Variants in ZNF570 observed in about 807,000 individuals in gnomAD.
ZNF570 encodes zinc finger protein 570.
Under a neutral mutation model 14.2 loss-of-function variants are expected in ZNF570, and 8 were observed. The observed-to-expected ratio is 0.56, with a 90% CI of 0.33 to 1.02. ZNF570 has a LOEUF of 1.02. Among genes scored for constraint, ZNF570 ranks in the 50% least tolerant of loss-of-function variants. The probability of loss-of-function intolerance (pLI) is 0.03; values close to 1 mark genes in which losing one functional copy is unlikely to be tolerated. For missense variants in ZNF570, 559 were observed against 624.9 expected, an observed-to-expected ratio of 0.89 and a Z score of 1.12; for synonymous variants, 202 against 207.6, an observed-to-expected ratio of 0.97 and a Z score of 0.23.
Position 37,485,332 on chromosome 19 carries a change from T to C in ZNF570, c.*99T>C. ...CTCACTCTGATTACTAATATAGCTT[T>C]CAAACAGGTTTTCCTGTATTTATTT... is the stretch of plus-strand genomic sequence containing the variant. On this transcript the variant is annotated 3_prime_UTR_variant, in exon 5 of 5. Coordinates refer to ENST00000330173, the MANE Select transcript of ZNF570 (RefSeq NM_144694.5). 8.4e-7 allele frequency: 1 copy of C among 1,187,876 alleles called. No homozygotes were observed. The highest frequency in any genetic ancestry group is 1.1e-6 in the Non-Finnish European group (1 of 887,874). The allele number at this position is 1,187,876 out of a possible 1,614,324, so 73.6% of individuals were successfully genotyped here. A position where few individuals can be genotyped will look rare whatever the true frequency, so the allele number is the denominator to read the frequency against.
intron 4 of ZNF570, among the ~76,000 whole-genome samples, chr19:37,478,774 T>G (rs1011408392): frequency 6.6e-5 from 10 of 151,568 alleles, no homozygotes; most frequent in African/African-American, 2.4e-4. Context: ...TTTTTACCTC[T>G]TAATAGGTTT....
chr19:37,477,609 T>G (rs1278585521), intron 4 of ZNF570, among the ~76,000 whole-genome samples: 1 of 152,116 alleles, frequency 6.6e-6, no homozygotes, highest in Non-Finnish European at 1.5e-5. Context: ...TCCAAAGTGC[T>G]GGGATTACAG....
intron 2 of ZNF570, among the ~76,000 whole-genome samples, chr19:37,471,485 C>G (rs1375475972): frequency 6.6e-6 from 1 of 152,176 alleles, no homozygotes; most frequent in African/African-American, 2.4e-5. Context: ...TGTCGCAGGT[C>G]TTAGTCCCTC....
intron 4 of ZNF570, among the ~76,000 whole-genome samples, chr19:37,481,546 C>T (rs1273320378): frequency 6.6e-6 from 1 of 152,192 alleles, no homozygotes; most frequent in Admixed American, 6.5e-5. Context: ...TTAATATATT[C>T]TTCCTTGCAA....
At chr19:37,471,458 C>T (rs547855505) in intron 2 of ZNF570, among the ~76,000 whole-genome samples, 19 of 152,298 alleles carry the variant, frequency 1.2e-4, no homozygotes, top group African/African-American at 4.6e-4. Context: ...TTTTAGTAAG[C>T]ACCCATTACC....
intron 2 of ZNF570, among the ~76,000 whole-genome samples, chr19:37,471,009 A>ATTTTTTTTTTTTTTTTTTTTTTTT (rs764609936): frequency 8.3e-5 from 7 of 84,392 alleles, no homozygotes; most frequent in South Asian, 4.8e-4. Flanking sequence ...CAGTGAGTAC[A>ATTTTTTTTTTTTTTTTTTTTTTTT]TTTTTTTTTT....
intron 2 of ZNF570, among the ~76,000 whole-genome samples, chr19:37,473,976 G>A (rs1286522959): frequency 6.6e-6 from 1 of 152,166 alleles, no homozygotes; most frequent in Non-Finnish European, 1.5e-5. Context: ...GAGCAAAGAG[G>A]TGACCTGCCT....
Position 37,484,760 on chromosome 19 carries a change from C to T in ZNF570, c.1138C>T (p.His380Tyr). 1 of 1,614,106 alleles carries T rather than the reference C, an allele frequency of 6.2e-7. No individual in the cohort carries two copies. Among genetic ancestry groups the T allele is most frequent in the South Asian group, 1.1e-5 (1 of 91,086 alleles). ...RAYLTVHQRI[H>Y]TGERPYECKE... ...ATACCTTACTGTACATCAGAGAATA[C>T]ATACTGGAGAGAGACCCTATGAATG... The change falls in exon 5 of 5, where the codon CAT becomes TAT. Residue 380 changes from histidine to tyrosine, a missense_variant. Coordinates refer to ENST00000330173, the MANE Select transcript of ZNF570 (RefSeq NM_144694.5).
In ZNF570 at chr19:37,488,408, TAATAA is replaced by T. The variant is rs2042178369; in HGVS notation, c.*3181_*3185del. Reference sequence around the variant, plus strand: ...CTATATAAAAAGGATCTAAAAGAATTAATAAAATAATCATCAGATTCAGAACAGTG... The same window carrying T: ...CTATATAAAAAGGATCTAAAAGAATTAATAATCATCAGATTCAGAACAGTG... On this transcript the variant is annotated 3_prime_UTR_variant, in exon 5 of 5. Coordinates refer to ENST00000330173, the MANE Select transcript of ZNF570 (RefSeq NM_144694.5). The T allele has an allele frequency of 6.6e-6, 1 of 152,128 alleles. No individual in the cohort carries two copies. Among genetic ancestry groups the T allele is most frequent in the Non-Finnish European group, 1.5e-5 (1 of 67,994 alleles). The allele number at this position is 152,128 out of a possible 1,614,324, so 9.4% of individuals were successfully genotyped here. A position where few individuals can be genotyped will look rare whatever the true frequency, so the allele number is the denominator to read the frequency against.
chr19:37,477,606 T>G (rs1024313107), intron 4 of ZNF570, among the ~76,000 whole-genome samples: 1 of 152,110 alleles, frequency 6.6e-6, no homozygotes, highest in Non-Finnish European at 1.5e-5. Flanking sequence ...CCTTCCAAAG[T>G]GCTGGGATTA....
Position 37,485,311 on chromosome 19 carries a change from C to T in ZNF570, c.*78C>T, listed in dbSNP as rs979932997. 6 of 1,341,036 alleles carry T rather than the reference C, an allele frequency of 4.5e-6. No individual in the cohort carries two copies. Among genetic ancestry groups the T allele is most frequent in the Non-Finnish European group, 4.0e-6 (4 of 1,007,022 alleles). The allele number at this position is 1,341,036 out of a possible 1,614,324, so 83.1% of individuals were successfully genotyped here. ...TGTCACCTTGGTCTGATTCATCTCA[C>T]TCTGATTACTAATATAGCTTTCAAA... On this transcript the variant is annotated 3_prime_UTR_variant, in exon 5 of 5. Transcript: ENST00000330173.
At chr19:37,474,281 C>T (rs1451609617) in intron 2 of ZNF570, among the ~76,000 whole-genome samples, 2 of 152,108 alleles carry the variant, frequency 1.3e-5, no homozygotes, top group Non-Finnish European at 2.9e-5. Flanking sequence ...ATATGTATGT[C>T]ATATATAAAT....
intron 1 of ZNF570, 170 bp from the exon 2 acceptor site, chr19:37,470,134 A>C: frequency 1.8e-6 from 1 of 562,846 alleles, no homozygotes; most frequent in South Asian, 2.5e-5. Context: ...TTGGGAAATG[A>C]TTTAGGCATC....
intron 4 of ZNF570, among the ~76,000 whole-genome samples, chr19:37,479,376 T>A (rs1333507470): frequency 6.6e-6 from 1 of 152,116 alleles, no homozygotes; most frequent in East Asian, 1.9e-4. Context: ...CAATATACAT[T>A]TATTGAAAGT....
chr19:37,469,092 T>C (rs2041905212), upstream of ZNF570: 1 of 1,039,126 alleles, frequency 9.6e-7, no homozygotes, highest in African/African-American at 1.7e-5. Context: ...AGTGTGACGC[T>C]GGGCCCCGTC....
Position 37,469,567 on chromosome 19 carries a change from G to A in ZNF570, c.-52+10G>A, listed in dbSNP as rs1256946335. On this transcript the variant is annotated intron_variant, in intron 1 of 4. Coordinates refer to ENST00000330173, the MANE Select transcript of ZNF570 (RefSeq NM_144694.5). ...TCCGGTGCGAGTGGAGGTTGGTACC[G>A]TTCAGTGCGAGGCTGTCACCCCGTG... 1.3e-6 allele frequency: 2 copies of A among 1,535,944 alleles called. No homozygotes were observed. The highest frequency in any genetic ancestry group is 1.7e-6 in the Non-Finnish European group (2 of 1,146,622).
intron 2 of ZNF570, 24 bp downstream of exon 2, chr19:37,470,411 C>T: frequency 6.2e-7 from 1 of 1,604,834 alleles, no homozygotes; most frequent in Non-Finnish European, 8.5e-7. Context: ...TTCTCGATTT[C>T]CTGAATACCT....
intron 4 of ZNF570, among the ~76,000 whole-genome samples, chr19:37,478,160 A>G (rs1216544333): frequency 6.6e-6 from 1 of 152,148 alleles, no homozygotes; most frequent in Non-Finnish European, 1.5e-5. Context: ...TTTTGATTCA[A>G]ATTTTATTTA....
intron 4 of ZNF570, among the ~76,000 whole-genome samples, chr19:37,482,993 A>G (rs1417311771): frequency 1.3e-5 from 2 of 151,978 alleles, no homozygotes; most frequent in Admixed American, 1.3e-4. Flanking sequence ...ACTGTGAGTC[A>G]ATTAAACTAC....
Sources: gnomAD v4.1 joint callset for allele counts (sites outside exome capture counted in the v4.1 genomes callset) on GRCh38, gnomAD v4.1.1 for gene constraint, MANE v1.5 for transcripts, NCBI Gene and HGNC (gene_info 2026-07-23, HGNC 2026-07-21) for gene names.